The following YWHAE variants were observed in gnomAD, a reference collection of about 807,000 sequenced individuals.
The protein encoded by YWHAE is tyrosine 3-monooxygenase/tryptophan 5-monooxygenase activation protein epsilon, also known as 14-3-3 protein epsilon.
Under a neutral mutation model 30.1 loss-of-function variants are expected in YWHAE, and 4 were observed. The ratio of observed to expected loss-of-function variants is 0.13; its 90% CI spans 0.07 to 0.30. The LOEUF (loss-of-function observed/expected upper bound fraction) is 0.30. Ranked by LOEUF, YWHAE falls within the 10% of genes least tolerant of loss-of-function variation. YWHAE has a pLI of 1.00. For missense variants in YWHAE, 121 were observed against 315.9 expected (o/e 0.38, Z 4.68); for synonymous variants, 118 against 111.8 (o/e 1.06, Z -0.35).
intron 4 of YWHAE, among the ~76,000 whole-genome samples, chr17:1,357,915 A>G (rs2072783858): frequency 6.6e-6 from 1 of 151,438 alleles, no homozygotes; most frequent in Non-Finnish European, 1.5e-5. Context: ...AAACACAGCG[A>G]GACTCTCCTC....
chr17:1,383,511 T>C (rs1032494307), intron 1 of YWHAE, among the ~76,000 whole-genome samples: 2 of 148,802 alleles, frequency 1.3e-5, no homozygotes, highest in African/African-American at 4.9e-5. Context: ...TCTCAGCCCC[T>C]ACCAGAAGAT....
chr17:1,355,612 CACTT>C (rs1276863011), intron 4 of YWHAE, among the ~76,000 whole-genome samples: 2 of 152,068 alleles, frequency 1.3e-5, no homozygotes, highest in Non-Finnish European at 2.9e-5. Context: ...AGAAAATCCA[CACTT>C]ACTGAGTACT....
intron 1 of YWHAE, among the ~76,000 whole-genome samples, chr17:1,381,391 C>T (rs2073204135): frequency 6.6e-6 from 1 of 152,066 alleles, no homozygotes; most frequent in African/African-American, 2.4e-5. Context: ...TGGCTGTAAT[C>T]CCAGCTACTC....
chr17:1,351,245 C>A (rs2072626667), intron 5 of YWHAE, among the ~76,000 whole-genome samples: 1 of 151,638 alleles, frequency 6.6e-6, no homozygotes, highest in Non-Finnish European at 1.5e-5. Context: ...CACCTGTAGT[C>A]CCAGCTACTA....
At chr17:1,370,080 G>GC (rs1245399114) in intron 1 of YWHAE, among the ~76,000 whole-genome samples, 1 of 147,744 alleles carries the variant, frequency 6.8e-6, no homozygotes, top group Non-Finnish European at 1.5e-5. Context: ...TTTCTCTGTA[G>GC]CATCTGACGC....
At chr17:1,376,799 C>G (rs1458142869) in intron 1 of YWHAE, among the ~76,000 whole-genome samples, 1 of 152,152 alleles carries the variant, frequency 6.6e-6, no homozygotes, top group African/African-American at 2.4e-5. Flanking sequence ...ATTTACAGCT[C>G]CTAATGAAAT....
At chr17:1,369,135 A>G (rs972306882) in intron 1 of YWHAE, among the ~76,000 whole-genome samples, 2 of 152,238 alleles carry the variant, frequency 1.3e-5, no homozygotes, top group Non-Finnish European at 2.9e-5. Context: ...GTAAAATTAT[A>G]GAAGCAACAA....
intron 1 of YWHAE, among the ~76,000 whole-genome samples, chr17:1,380,032 G>A (rs1488645777): frequency 6.6e-6 from 1 of 151,728 alleles, no homozygotes; most frequent in Non-Finnish European, 1.5e-5. Context: ...ACACACTTTG[G>A]GAAACAGCAC....
chr17:1,381,376 C>T (rs1348518305), intron 1 of YWHAE, among the ~76,000 whole-genome samples: 1 of 151,920 alleles, frequency 6.6e-6, no homozygotes, highest in African/African-American at 2.4e-5. Flanking sequence ...ATTAGCCAGG[C>T]GTGGTGGCTG....
intron 1 of YWHAE, among the ~76,000 whole-genome samples, chr17:1,386,221 T>A (rs1227825628): frequency 6.6e-6 from 1 of 152,222 alleles, no homozygotes; most frequent in Non-Finnish European, 1.5e-5. Flanking sequence ...AATTTGTTAG[T>A]ACCATTTTAC....
chr17:1,364,501 C>T (rs2072914245), intron 2 of YWHAE, among the ~76,000 whole-genome samples: 1 of 152,192 alleles, frequency 6.6e-6, no homozygotes, highest in African/African-American at 2.4e-5. Flanking sequence ...GCTGGGATTA[C>T]AGGCCTGAGC....
chr17:1,395,256 G>A (rs960705747), intron 1 of YWHAE, among the ~76,000 whole-genome samples: 3 of 151,994 alleles, frequency 2.0e-5, no homozygotes, highest in Admixed American at 6.6e-5. Flanking sequence ...GGCTGGGTGC[G>A]GTGGCTCACA....
chr17:1,355,115 T>TAACAA lies in YWHAE; in HGVS notation c.579-769_579-768insTTGTT, dbSNP rs2072712838. ...TACACACTACCACCCCCAAGATTTT[T>TAACAA]TAAAAAAAAAAAAAAAAAAAAAAAA... On this transcript the variant is annotated intron_variant, in intron 4 of 5. Coordinates refer to ENST00000264335, the MANE Select transcript of YWHAE (RefSeq NM_006761.5). Among the ~76,000 whole-genome samples, 76 of 72,378 alleles carry TAACAA rather than the reference T, an allele frequency of 1.1e-3. 3 individuals are homozygous for TAACAA. Among genetic ancestry groups the TAACAA allele is most frequent in the African/African-American group, 3.6e-3 (67 of 18,840 alleles). The allele number at this position is 72,378 out of a possible 152,430, so 47.5% of individuals were successfully genotyped here.
intron 5 of YWHAE, among the ~76,000 whole-genome samples, chr17:1,353,412 C>T (rs1339887809): frequency 8.4e-5 from 11 of 130,386 alleles, no homozygotes; most frequent in African/African-American, 2.2e-4. Context: ...CACTCCAGCC[C>T]GGTCAACAGA....
chr17:1,368,598 A>G (rs1489174023), intron 1 of YWHAE, among the ~76,000 whole-genome samples: 1 of 151,820 alleles, frequency 6.6e-6, no homozygotes, highest in Non-Finnish European at 1.5e-5. Flanking sequence ...CAATATGGTA[A>G]TAAGACCACT....
rs56805756 is a variant in YWHAE at position 1,387,812 on chromosome 17, C to CG, written c.64+12234dup. Among the ~76,000 whole-genome samples the CG allele has an allele frequency of 8.2e-4, 124 of 151,548 alleles. 1 individual carries two copies. Among genetic ancestry groups the CG allele is most frequent in the South Asian group, 2.1e-3 (10 of 4,806 alleles). On this transcript the variant is annotated intron_variant, in intron 1 of 5. Transcript: ENST00000264335. Reference sequence around the variant, plus strand: ...TAATTTTTTGTATATTTAGTAGAGACGGGGGGTCTCACCATGTTCACCAGC... The same window carrying CG: ...TAATTTTTTGTATATTTAGTAGAGACGGGGGGGTCTCACCATGTTCACCAGC...
At chr17:1,355,116 TAAAA>T (rs869230957) in intron 4 of YWHAE, among the ~76,000 whole-genome samples, 27 of 17,176 alleles carry the variant, frequency 1.6e-3, no homozygotes, top group South Asian at 0.012. Flanking sequence ...CAAGATTTTT[TAAAA>T]AAAAAAAAAA....
At chr17:1,398,937 A>G (rs752020955) in intron 1 of YWHAE, 11 of 152,208 alleles carry the variant, frequency 7.2e-5, no homozygotes, top group African/African-American at 9.7e-5. Context: ...TTCAACCTTC[A>G]TAACTCAAAA....
At chr17:1,362,448 C>G (rs568112430) in intron 2 of YWHAE, among the ~76,000 whole-genome samples, 4 of 152,228 alleles carry the variant, frequency 2.6e-5, no homozygotes, top group African/African-American at 7.2e-5. Flanking sequence ...GGATTTGAAC[C>G]CAGGCAGGCT....
Sources: allele counts gnomAD v4.1 joint callset (sites outside exome capture counted in the v4.1 genomes callset), GRCh38; gene constraint gnomAD v4.1.1; transcripts MANE v1.5; gene names NCBI Gene and HGNC (gene_info 2026-07-23, HGNC 2026-07-21).